Variants in MLF1 observed in about 807,000 individuals in gnomAD.
MLF1 encodes myelodysplasia-myeloid leukemia factor 1.
MLF1 carries 37 observed loss-of-function variants against 38.3 expected under a neutral mutation model. The ratio of observed to expected loss-of-function variants is 0.96; its 90% CI spans 0.74 to 1.27. The LOEUF (loss-of-function observed/expected upper bound fraction) is 1.27. Ranked by LOEUF, MLF1 falls within the 50% of genes most tolerant of loss-of-function variation. The pLI, the probability that MLF1 is intolerant of heterozygous loss-of-function variation, is 0.00. For synonymous variants in MLF1, 95 were observed against 106.5 expected (o/e 0.89, Z 0.66); for missense variants, 331 against 349.2 (o/e 0.95, Z 0.42).
In MLF1 at chr3:158,571,226, C is replaced by G; in HGVS notation, c.-75C>G. The G allele has an allele frequency of 7.9e-7, 1 of 1,272,084 alleles. No individual in the cohort carries two copies. The highest frequency in any genetic ancestry group is 1.1e-6 in the Non-Finnish European group (1 of 877,934). 78.8% of individuals were successfully genotyped at this position (1,272,084 alleles called of 1,614,324 possible). A position where few individuals can be genotyped will look rare whatever the true frequency, so the allele number is the denominator to read the frequency against. On this transcript the variant is annotated 5_prime_UTR_variant, in exon 1 of 8. Coordinates refer to ENST00000466246, the MANE Select transcript of MLF1 (RefSeq NM_001369783.1). The stretch of plus-strand genomic sequence containing the variant: ...GCGTCGTCCGTACTGGAGGCTAGCT[C>G]TTGTCGCGGCCGCGGCGAGTTAACA...
chr3:158,590,861 G>T (rs550095655), intron 1 of MLF1: 2 of 447,732 alleles, frequency 4.5e-6, no homozygotes, highest in Non-Finnish European at 8.9e-6. Flanking sequence ...GGTAAATTTC[G>T]TTGAATGTAA....
In MLF1 at chr3:158,595,051, T is replaced by C. The variant is rs907132066; in HGVS notation, c.240+1625T>C. 1.6e-4 allele frequency among the ~76,000 whole-genome samples: 25 copies of C among 152,114 alleles called. 1 individual carries two copies. Among genetic ancestry groups the C allele is most frequent in the Non-Finnish European group, 1.5e-5 (1 of 68,000 alleles). On this transcript the variant is annotated intron_variant, in intron 3 of 7. Coordinates refer to ENST00000466246, the MANE Select transcript of MLF1 (RefSeq NM_001369783.1). ...TATATATGTATTGGGGATATTGTAG[T>C]AAATAGACAAAATCGCCCTGCCCTC...
chr3:158,590,424 AG>A (rs1232302426), intron 1 of MLF1, among the ~76,000 whole-genome samples: 3 of 152,226 alleles, frequency 2.0e-5, no homozygotes, highest in African/African-American at 7.2e-5. Context: ...CCTTGCTCTG[AG>A]GTGTTTACTT....
intron 1 of MLF1, among the ~76,000 whole-genome samples, chr3:158,577,173 G>C (rs1715592644): frequency 6.6e-6 from 1 of 152,124 alleles, no homozygotes; most frequent in Non-Finnish European, 1.5e-5. Flanking sequence ...CTTGGAAGTA[G>C]TTGGATTTAT....
chr3:158,578,382 TGTG>T, intron 1 of MLF1, among the ~76,000 whole-genome samples: 1 of 148,286 alleles, frequency 6.7e-6, no homozygotes. Context: ...GCAAAATAAG[TGTG>T]TGTGTGTGTG....
intron 1 of MLF1, among the ~76,000 whole-genome samples, chr3:158,591,456 G>T (rs547596564): frequency 6.6e-6 from 1 of 152,102 alleles, no homozygotes; most frequent in East Asian, 1.9e-4. Context: ...CACCACGCCT[G>T]GCCAAGAAAA....
intron 1 of MLF1, among the ~76,000 whole-genome samples, chr3:158,585,684 G>A: frequency 6.6e-6 from 1 of 152,100 alleles, no homozygotes; most frequent in East Asian, 1.9e-4. Flanking sequence ...TGGAAATTGA[G>A]TCAAGGAATT....
intron 1 of MLF1, chr3:158,582,653 C>A (rs1442109069): frequency 4.9e-6 from 2 of 406,110 alleles, no homozygotes; most frequent in Non-Finnish European, 8.6e-6. Flanking sequence ...GACTTCTCTT[C>A]AGAGACCATG....
At chr3:158,596,985 C>T in intron 4 of MLF1, 40 bp downstream of exon 4, 1 of 1,300,478 alleles carries the variant, frequency 7.7e-7, no homozygotes, top group Non-Finnish European at 1.1e-6. Flanking sequence ...ATTGTGTATA[C>T]TTTGATATAT....
rs201077165 is a variant in MLF1, at chr3:158,602,955, A to T, written c.746+16A>T. 1.7e-5 allele frequency: 27 copies of T among 1,596,254 alleles called. No homozygotes were observed. Among genetic ancestry groups the T allele is most frequent in the South Asian group, 1.1e-4 (10 of 88,372 alleles). On this transcript the variant is annotated intron_variant, in intron 7 of 7. Coordinates refer to ENST00000466246, the MANE Select transcript of MLF1 (RefSeq NM_001369783.1). ...TTAAAAGAAGGTAAAAGTTGTTTCT[A>T]AAATAGTTTGGTTTTTTAAGAAGAA...
intron 1 of MLF1, among the ~76,000 whole-genome samples, chr3:158,580,197 C>A (rs180792581): frequency 2.2e-4 from 33 of 151,680 alleles, no homozygotes; most frequent in Admixed American, 4.6e-4. Context: ...GGACTTAATA[C>A]CTAGGTGATG....
intron 1 of MLF1, among the ~76,000 whole-genome samples, chr3:158,589,597 A>AACTT (rs2108607275): frequency 6.6e-6 from 1 of 152,352 alleles, no homozygotes; most frequent in East Asian, 1.9e-4. Flanking sequence ...ACTCTAGAAG[A>AACTT]ACTTATACTC....
At chr3:158,576,487 G>A (rs1003878862) in intron 1 of MLF1, among the ~76,000 whole-genome samples, 2 of 152,094 alleles carry the variant, frequency 1.3e-5, no homozygotes, top group African/African-American at 4.8e-5. Flanking sequence ...TAGTATGAAA[G>A]TTTATAAATA....
intron 1 of MLF1, among the ~76,000 whole-genome samples, chr3:158,578,064 C>T (rs1022491777): frequency 6.6e-6 from 1 of 152,154 alleles, no homozygotes; most frequent in African/African-American, 2.4e-5. Context: ...GGTTCCTGCC[C>T]TCAAGATCCT....
At chr3:158,601,806 C>CTTTTTTTTT (rs1188640734) in intron 6 of MLF1, among the ~76,000 whole-genome samples, 3 of 96,048 alleles carry the variant, frequency 3.1e-5, no homozygotes, top group Non-Finnish European at 5.6e-5. Context: ...TAAAATTATT[C>CTTTTTTTTT]TTTTTTTTTT....
intron 1 of MLF1, among the ~76,000 whole-genome samples, chr3:158,578,661 T>C (rs1389020176): frequency 6.6e-6 from 1 of 152,106 alleles, no homozygotes; most frequent in Non-Finnish European, 1.5e-5. Flanking sequence ...AGGTAAATAA[T>C]ATAGAATAGA....
chr3:158,572,435 G>T (rs1281367204), intron 1 of MLF1, among the ~76,000 whole-genome samples: 5 of 142,196 alleles, frequency 3.5e-5, no homozygotes, highest in African/African-American at 5.3e-5. Flanking sequence ...GGAGCGTGAG[G>T]TGGCGGTAAG....
intron 1 of MLF1, among the ~76,000 whole-genome samples, chr3:158,581,471 T>G (rs116558827): frequency 0.011 from 1,600 of 152,294 alleles, 32 homozygotes; most frequent in African/African-American, 0.037. Context: ...TCCAGCCATG[T>G]TATCACACTG....
chr3:158,588,282 A>T (rs1295429808), intron 1 of MLF1, among the ~76,000 whole-genome samples: 1 of 152,180 alleles, frequency 6.6e-6, no homozygotes, highest in Non-Finnish European at 1.5e-5. Context: ...CTACCCACCT[A>T]AACTGCTCCT....
Sources: gnomAD v4.1 joint callset for allele counts (sites outside exome capture counted in the v4.1 genomes callset) on GRCh38, gnomAD v4.1.1 for gene constraint, MANE v1.5 for transcripts, NCBI Gene and HGNC (gene_info 2026-07-23, HGNC 2026-07-21) for gene names.